The following HM13 variants were observed in gnomAD, a reference collection of about 807,000 sequenced individuals.
HM13 encodes the protein histocompatibility minor 13.
Under a neutral mutation model 50.0 loss-of-function variants are expected in HM13, and 18 were observed. The ratio of observed to expected loss-of-function variants is 0.36; its 90% CI spans 0.25 to 0.53. The LOEUF (loss-of-function observed/expected upper bound fraction) is 0.53. Among genes scored for constraint, HM13 ranks in the 20% least tolerant of loss-of-function variants. HM13 has a pLI of 0.90. For synonymous variants in HM13, 197 were observed against 232.6 expected, an observed-to-expected ratio of 0.85 and a Z score of 1.39; for missense variants, 393 against 552.4, an observed-to-expected ratio of 0.71 and a Z score of 2.89.
intron 10 of HM13, among the ~76,000 whole-genome samples, chr20:31,565,018 T>G (rs1375215425): frequency 6.6e-6 from 1 of 151,106 alleles, no homozygotes; most frequent in Non-Finnish European, 1.5e-5. Context: ...ACAAAAAAAT[T>G]AGCCGGGCAT....
intron 1 of HM13, among the ~76,000 whole-genome samples, chr20:31,525,633 G>A (rs1385277896): frequency 6.6e-6 from 1 of 152,070 alleles, no homozygotes; most frequent in Non-Finnish European, 1.5e-5. Flanking sequence ...ATCTGGAAGG[G>A]CTTCGTGGCA....
chr20:31,551,561 A>C (rs905334040), intron 7 of HM13, among the ~76,000 whole-genome samples: 2 of 152,240 alleles, frequency 1.3e-5, no homozygotes, highest in African/African-American at 4.8e-5. Flanking sequence ...TGATTGGCTT[A>C]GAGTTTAAGC....
At chr20:31,568,366 GGCA>G in intron 12 of HM13, 142 bp downstream of exon 12, 3 of 1,209,116 alleles carry the variant, frequency 2.5e-6, no homozygotes, top group Non-Finnish European at 3.4e-6. Context: ...ACAACCACCA[GGCA>G]GTGGTTGCAC....
In HM13 at chr20:31,514,789, C is replaced by A; in HGVS notation, c.183+55C>A. On this transcript the variant is annotated intron_variant, in intron 1 of 12. Transcript: ENST00000398174. This position sits in a 1 kb window ranked among gnomAD's most constrained non-coding sequence, Gnocchi z 4.3. ...CCACCCCCATACCGAACACGGCCGA[C>A]ATGGACCCTTCCTAGGCGGGACAGA... The A allele has an allele frequency of 1.4e-6, 2 of 1,437,962 alleles. No individual in the cohort carries two copies. Among genetic ancestry groups the A allele is most frequent in the Non-Finnish European group, 1.8e-6 (2 of 1,086,904 alleles). 89.1% of individuals were successfully genotyped at this position (1,437,962 alleles called of 1,614,324 possible).
chr20:31,558,091 C>A (rs769369917), intron 8 of HM13, among the ~76,000 whole-genome samples: 1 of 152,212 alleles, frequency 6.6e-6, no homozygotes, highest in Admixed American at 6.5e-5. Context: ...ACAGGGTGTG[C>A]GTATAGCACA....
intron 2 of HM13, among the ~76,000 whole-genome samples, chr20:31,535,041 G>A (rs948667207): frequency 6.6e-6 from 1 of 150,666 alleles, no homozygotes; most frequent in African/African-American, 2.4e-5. Flanking sequence ...AGCCAAGATC[G>A]TGCCACTGCA....
At chr20:31,547,773 T>C in intron 4 of HM13, 1 of 952,742 alleles carries the variant, frequency 1.0e-6, no homozygotes, top group African/African-American at 1.6e-5. Flanking sequence ...AATACCCTTT[T>C]ATCCTGCCAC....
chr20:31,522,140 A>G (rs1375291497), intron 1 of HM13, among the ~76,000 whole-genome samples: 1 of 152,154 alleles, frequency 6.6e-6, no homozygotes, highest in Non-Finnish European at 1.5e-5. Context: ...TGAAAGGAAT[A>G]TGTGGAAATG....
chr20:31,558,912 G>GTTGTT (rs1027711943), intron 8 of HM13, among the ~76,000 whole-genome samples: 45 of 151,768 alleles, frequency 3.0e-4, no homozygotes, highest in Non-Finnish European at 5.6e-4. Flanking sequence ...GTTTTTTGTT[G>GTTGTT]TTGTTTTGTT....
At position 31,554,802 on chromosome 20, in the gene HM13, C is replaced by G. The variant is rs1984222760; in HGVS notation, c.781C>G (p.Leu261Val). 6.2e-7 allele frequency: 1 copy of G among 1,614,002 alleles called. No individual in the cohort carries two copies. Among genetic ancestry groups the G allele is most frequent in the African/African-American group, 1.3e-5 (1 of 74,922 alleles). Residue 261 changes from leucine to valine, a missense_variant, in exon 8 of 13, where the codon CTG becomes GTG. Physicochemically the swap from Leu to Val is conservative, Grantham distance 32. This residue lies in a region of HM13 where 74 missense variants were observed against 160.4 expected (regional missense o/e 0.46). Coordinates refer to ENST00000398174, the MANE Select transcript of HM13 (RefSeq NM_178581.3). ...KGLEANNFAM[L>V]GLGDVVIPGI... is the part of the protein sequence containing the mutation. ...CCTCGAAGCAAACAACTTTGCCATGCTGGGACTTGGAGATGTCGTCATTCC... is the reference window on the plus strand; with the variant it reads ...CCTCGAAGCAAACAACTTTGCCATGGTGGGACTTGGAGATGTCGTCATTCC...
rs181877444 is a variant in HM13, at chr20:31,518,625, G to A, written c.183+3891G>A. Among the ~76,000 whole-genome samples, 113 of 151,766 alleles carry A rather than the reference G, an allele frequency of 7.4e-4. 1 individual carries two copies. Among genetic ancestry groups the A allele is most frequent in the Non-Finnish European group, 1.1e-3 (73 of 67,970 alleles). Reference sequence around the variant, plus strand: ...CATGCCACTGCACTCCAGCCTGGTCGACAGAGTGAGACTCCATCTCAAAAA... The same window carrying A: ...CATGCCACTGCACTCCAGCCTGGTCAACAGAGTGAGACTCCATCTCAAAAA... On this transcript the variant is annotated intron_variant, in intron 1 of 12. Coordinates refer to ENST00000398174, the MANE Select transcript of HM13 (RefSeq NM_178581.3).
chr20:31,515,297 GC>G (rs1981706192), intron 1 of HM13, among the ~76,000 whole-genome samples: 2 of 152,116 alleles, frequency 1.3e-5, no homozygotes, highest in African/African-American at 4.8e-5. Context: ...CCTGGCCCTT[GC>G]CCCTGCCTCA....
intron 8 of HM13, among the ~76,000 whole-genome samples, chr20:31,555,429 A>G (rs1984255545): frequency 7.9e-6 from 1 of 127,232 alleles, no homozygotes; most frequent in Non-Finnish European, 1.5e-5. Flanking sequence ...GTCTGTGGGT[A>G]TGGACACGGG....
At chr20:31,530,125 T>C (rs1378789346) in intron 2 of HM13, among the ~76,000 whole-genome samples, 1 of 152,050 alleles carries the variant, frequency 6.6e-6, no homozygotes, top group African/African-American at 2.4e-5. Flanking sequence ...CCCCATCTCA[T>C]TCATAGGTAA....
rs762882693 is a variant in HM13 at position 31,554,739 on chromosome 20, G to A, written c.725-7G>A. On this transcript the variant is annotated splice_region_variant and splice_polypyrimidine_tract_variant and intron_variant, in intron 7 of 12. Transcript: ENST00000398174. The stretch of plus-strand genomic sequence containing the variant: ...CTGACTCCTCACATTCCCGCCTCCC[G>A]CTTCAGTGGTGTTTCCCCAGGATCT... The A allele has an allele frequency of 8.7e-6, 14 of 1,612,300 alleles. No individual in the cohort carries two copies. The highest frequency in any genetic ancestry group is 3.3e-5 in the Admixed American group (2 of 59,938).
At chr20:31,539,797 A>T (rs992886736) in intron 3 of HM13, 2 of 152,030 alleles carry the variant, frequency 1.3e-5, no homozygotes, top group Non-Finnish European at 2.9e-5. Context: ...CCATCTCAAA[A>T]AAAAAAAAAA....
At chr20:31,562,652 T>C (rs1984681957) in intron 10 of HM13, 1 of 152,208 alleles carries the variant, frequency 6.6e-6, no homozygotes, top group African/African-American at 2.4e-5. Flanking sequence ...AGACGAGCCA[T>C]CTTTGAATTA....
At chr20:31,559,905 G>A (rs1401663992) in intron 9 of HM13, among the ~76,000 whole-genome samples, 1 of 152,238 alleles carries the variant, frequency 6.6e-6, no homozygotes, top group Non-Finnish European at 1.5e-5. Context: ...CTTTCTCACT[G>A]TGTGACCTTG....
chr20:31,558,113 G>T (rs1027618876), intron 8 of HM13, among the ~76,000 whole-genome samples: 1 of 152,238 alleles, frequency 6.6e-6, no homozygotes, highest in Non-Finnish European at 1.5e-5. Context: ...GGACAGGACT[G>T]GTTGGCTGTG....
Sources: allele counts gnomAD v4.1 joint callset (sites outside exome capture counted in the v4.1 genomes callset), GRCh38; gene constraint gnomAD v4.1.1; regional missense constraint gnomAD v4.1.1; non-coding constraint Gnocchi (gnomAD v3.1); transcripts MANE v1.5; gene names NCBI Gene and HGNC (gene_info 2026-07-23, HGNC 2026-07-21).